CNTNAP2: variants seen among roughly 807,000 people sequenced by gnomAD.
CNTNAP2 encodes the protein contactin associated protein 2.
In CNTNAP2, 98 loss-of-function variants were observed where a neutral mutation model predicts 155.2. The observed-to-expected ratio is 0.63, with a 90% CI of 0.54 to 0.75. The LOEUF (loss-of-function observed/expected upper bound fraction) is 0.75, where lower values mean the gene tolerates loss of function less well. CNTNAP2 is among the 30% of genes least tolerant of loss of function. CNTNAP2 has a pLI of 0.00. For missense variants in CNTNAP2, 1,727 were observed against 1,688.1 expected, an observed-to-expected ratio of 1.02 and a Z score of -0.40; for synonymous variants, 651 against 631.2, an observed-to-expected ratio of 1.03 and a Z score of -0.47.
chr7:147,983,477 T>C (rs1801568478), intron 15 of CNTNAP2, among the ~76,000 whole-genome samples: 1 of 143,192 alleles, frequency 7.0e-6, no homozygotes, highest in Non-Finnish European at 1.5e-5. Flanking sequence ...AAAAGTACCC[T>C]GTAAAATATT....
chr7:147,912,337 C>A (rs1250503436), intron 14 of CNTNAP2, among the ~76,000 whole-genome samples: 2 of 152,182 alleles, frequency 1.3e-5, no homozygotes, highest in African/African-American at 2.4e-5. Context: ...TATTCAAAAA[C>A]AACTCATTGG....
At chr7:147,701,577 T>G (rs1235369971) in intron 13 of CNTNAP2, among the ~76,000 whole-genome samples, 1 of 152,220 alleles carries the variant, frequency 6.6e-6, no homozygotes, top group Admixed American at 6.5e-5. Context: ...TAACGGCTTT[T>G]TTCATAATTT....
intron 1 of CNTNAP2, among the ~76,000 whole-genome samples, chr7:146,702,435 T>C (rs1800893767): frequency 6.6e-6 from 1 of 152,192 alleles, no homozygotes. Context: ...AAAAGCATTC[T>C]ATCTAGAAAT....
intron 13 of CNTNAP2, among the ~76,000 whole-genome samples, chr7:147,758,235 A>T (rs1402073944): frequency 7.2e-5 from 11 of 152,258 alleles, no homozygotes; most frequent in Admixed American, 2.6e-4. Flanking sequence ...ACATCAGCTA[A>T]AAGTCTGTTT....
At chr7:146,754,524 G>C (rs1801959252) in intron 1 of CNTNAP2, among the ~76,000 whole-genome samples, 3 of 149,492 alleles carry the variant, frequency 2.0e-5, no homozygotes, top group African/African-American at 7.5e-5. Context: ...AAGTCATGTA[G>C]GTTGTTAGAG....
At position 148,131,124 on chromosome 7, in the gene CNTNAP2, C is replaced by T. The variant is rs1804823974; in HGVS notation, c.2554+12836C>T. ...TTTTTTTTTTTTTTTGAGACAGAGT[C>T]TCTCTCTGTTGCCCAGGCCAGAGTG... On this transcript the variant is annotated intron_variant, in intron 16 of 23. Coordinates refer to ENST00000361727, the MANE Select transcript of CNTNAP2 (RefSeq NM_014141.6). 3.8e-5 allele frequency among the ~76,000 whole-genome samples: 4 copies of T among 103,950 alleles called. No individual in the cohort carries two copies. The Admixed American group carries it at 5.9e-4, about 15-fold the overall frequency. 68.2% of individuals were successfully genotyped at this position (103,950 alleles called of 152,430 possible).
chr7:147,654,321 A>G (rs1795493436), intron 13 of CNTNAP2, among the ~76,000 whole-genome samples: 1 of 152,252 alleles, frequency 6.6e-6, no homozygotes, highest in African/African-American at 2.4e-5. Context: ...GTTTAAATAT[A>G]GGTGTTAGCA....
At chr7:147,855,897 A>G (rs2116677253) in intron 13 of CNTNAP2, among the ~76,000 whole-genome samples, 1 of 152,184 alleles carries the variant, frequency 6.6e-6, no homozygotes, top group Non-Finnish European at 1.5e-5. Context: ...CGATTTGAAC[A>G]CCTATTTTTT....
chr7:146,908,795 T>C lies in CNTNAP2; in HGVS notation c.402+68891T>C, dbSNP rs1341161276. 3.6e-5 allele frequency among the ~76,000 whole-genome samples: 5 copies of C among 138,284 alleles called. No individual in the cohort carries two copies. The East Asian group carries it at 9.8e-4, about 27-fold the overall frequency. 90.7% of individuals were successfully genotyped at this position (138,284 alleles called of 152,430 possible). Reference sequence around the variant, plus strand: ...AAGCTAGCAGAAGGCAAGAAATAACTAAAATCAGAGCAGAACTGAAGGAAA... The same window carrying C: ...AAGCTAGCAGAAGGCAAGAAATAACCAAAATCAGAGCAGAACTGAAGGAAA... On this transcript the variant is annotated intron_variant, in intron 3 of 23. Coordinates refer to ENST00000361727, the MANE Select transcript of CNTNAP2 (RefSeq NM_014141.6).
chr7:148,407,034 G>A (rs77458924), intron 22 of CNTNAP2, among the ~76,000 whole-genome samples: 1 of 152,096 alleles, frequency 6.6e-6, no homozygotes, highest in Non-Finnish European at 1.5e-5. Context: ...TCAGCACTTG[G>A]AAAGAAGTCT....
At chr7:146,735,170 T>G (rs1801590739) in intron 1 of CNTNAP2, among the ~76,000 whole-genome samples, 1 of 152,220 alleles carries the variant, frequency 6.6e-6, no homozygotes, top group Non-Finnish European at 1.5e-5. Flanking sequence ...ATCTTTGTAA[T>G]TTTACCATTC....
chr7:148,286,731 C>G (rs1488070255), intron 21 of CNTNAP2, among the ~76,000 whole-genome samples: 1 of 152,166 alleles, frequency 6.6e-6, no homozygotes, highest in African/African-American at 2.4e-5. Context: ...AAATAAAACA[C>G]TATCGTGTGG....
chr7:146,453,809 A>G (rs551679848), intron 1 of CNTNAP2, among the ~76,000 whole-genome samples: 2 of 152,274 alleles, frequency 1.3e-5, no homozygotes, highest in African/African-American at 4.8e-5. Flanking sequence ...TAGAGATTGT[A>G]AAGATGAGTG....
At position 148,208,075 on chromosome 7, in the gene CNTNAP2, C is replaced by A. The variant is rs185296989; in HGVS notation, c.3011-9213C>A. Among the ~76,000 whole-genome samples, 529 of 142,078 alleles carry A rather than the reference C, an allele frequency of 3.7e-3. 2 individuals are homozygous for A. The highest frequency in any genetic ancestry group is 0.014 in the African/African-American group (503 of 36,734). The allele number at this position is 142,078 out of a possible 152,430, so 93.2% of individuals were successfully genotyped here. Reference sequence around the variant, plus strand: ...CTGCGCTCCAGCCTGGGCGACAGAGCGAGACTCCGTGTCAAAAAAAAAAAA... The same window carrying A: ...CTGCGCTCCAGCCTGGGCGACAGAGAGAGACTCCGTGTCAAAAAAAAAAAA... On this transcript the variant is annotated intron_variant, in intron 18 of 23. Transcript: ENST00000361727.
chr7:148,262,558 G>C (rs757661068), intron 20 of CNTNAP2, among the ~76,000 whole-genome samples: 62 of 151,954 alleles, frequency 4.1e-4, no homozygotes, highest in Non-Finnish European at 4.7e-4. Flanking sequence ...TGCGTTCCTT[G>C]GGCCCTTCCT....
intron 1 of CNTNAP2, among the ~76,000 whole-genome samples, chr7:146,232,922 G>A (rs1267449894): frequency 6.6e-6 from 1 of 152,080 alleles, no homozygotes; most frequent in African/African-American, 2.4e-5. Flanking sequence ...TTGGCCCTTA[G>A]GCTCCAGTTA....
At chr7:147,806,796 A>G (rs1321180296) in intron 13 of CNTNAP2, among the ~76,000 whole-genome samples, 3 of 152,188 alleles carry the variant, frequency 2.0e-5, no homozygotes, top group Non-Finnish European at 2.9e-5. Flanking sequence ...AGCTAAAACA[A>G]TTGATCTCAT....
intron 12 of CNTNAP2, among the ~76,000 whole-genome samples, chr7:147,564,018 C>A (rs1379674852): frequency 6.6e-6 from 1 of 152,080 alleles, no homozygotes; most frequent in East Asian, 1.9e-4. Context: ...GCCTGGGCAA[C>A]ATAGTGAGAC....
intron 1 of CNTNAP2, among the ~76,000 whole-genome samples, chr7:146,208,996 T>G (rs1010890264): frequency 4.6e-5 from 7 of 152,022 alleles, no homozygotes; most frequent in African/African-American, 1.7e-4. Context: ...TAGGCAGGCA[T>G]TAGCCACCTT....
Sources: gnomAD v4.1 joint callset for allele counts (sites outside exome capture counted in the v4.1 genomes callset) on GRCh38, gnomAD v4.1.1 for gene constraint, MANE v1.5 for transcripts, NCBI Gene and HGNC (gene_info 2026-07-23, HGNC 2026-07-21) for gene names.